Variants in FMN2 observed in about 807,000 individuals in gnomAD.
FMN2 encodes formin 2.
FMN2 carries 51 observed loss-of-function variants against 142.3 expected under a neutral mutation model. The ratio of observed to expected loss-of-function variants is 0.36; its 90% CI spans 0.29 to 0.45. The LOEUF (loss-of-function observed/expected upper bound fraction) is 0.45, where lower values mean the gene tolerates loss of function less well. Among genes scored for constraint, FMN2 ranks in the 20% least tolerant of loss-of-function variants. The pLI is 1.00. For synonymous variants in FMN2, 882 were observed against 869.8 expected (o/e 1.01, Z -0.25); for missense variants, 1,936 against 2,122.8 (o/e 0.91, Z 1.73).
intron 7 of FMN2, among the ~76,000 whole-genome samples, chr1:240,281,483 G>A (rs907404841): frequency 6.6e-6 from 1 of 151,980 alleles, no homozygotes; most frequent in Non-Finnish European, 1.5e-5. Flanking sequence ...GTATCCTCAG[G>A]GCGGACAAGA....
Position 240,303,034 on chromosome 1 carries a change from T to G in FMN2, c.4215+8151T>G, listed in dbSNP as rs550835490. ...AGATATTTGTTTTTGTTATTGTCTC[T>G]ATGACTAAAAAAAAAAAATCAGAAA... is the stretch of plus-strand genomic sequence containing the variant. On this transcript the variant is annotated intron_variant, in intron 8 of 17. Transcript: ENST00000319653. 2.3e-5 allele frequency among the ~76,000 whole-genome samples: 3 copies of G among 127,784 alleles called. No individual in the cohort carries two copies. In the South Asian group the frequency reaches 7.4e-4, roughly 32 times the overall value. The allele number at this position is 127,784 out of a possible 152,430, so 83.8% of individuals were successfully genotyped here.
intron 16 of FMN2, among the ~76,000 whole-genome samples, chr1:240,447,784 G>C (rs1221616934): frequency 1.3e-5 from 2 of 152,184 alleles, no homozygotes; most frequent in African/African-American, 2.4e-5. Context: ...CCTAAACTTA[G>C]ATGGTTTTAG....
At chr1:240,397,927 G>A (rs1261795422) in intron 15 of FMN2, among the ~76,000 whole-genome samples, 1 of 150,400 alleles carries the variant, frequency 6.6e-6, no homozygotes, top group Non-Finnish European at 1.5e-5. Context: ...AATTTCTAAA[G>A]AGAAACCTTA....
chr1:240,268,856 T>C (rs968893933), intron 7 of FMN2, among the ~76,000 whole-genome samples: 3 of 152,108 alleles, frequency 2.0e-5, no homozygotes, highest in African/African-American at 7.2e-5. Context: ...TTCTGAGAAA[T>C]GTCTGTTCAG....
chr1:240,221,363 A>G (rs1667104763), intron 6 of FMN2, among the ~76,000 whole-genome samples: 2 of 152,090 alleles, frequency 1.3e-5, no homozygotes, highest in Non-Finnish European at 2.9e-5. Flanking sequence ...ATTTCTCCAC[A>G]TCCTCTCCAG....
intron 14 of FMN2, among the ~76,000 whole-genome samples, chr1:240,375,739 G>A (rs542566027): frequency 3.0e-4 from 46 of 152,240 alleles, no homozygotes; most frequent in African/African-American, 9.9e-4. Context: ...ATTCCCTGCA[G>A]TTCATTCCCC....
intron 16 of FMN2, among the ~76,000 whole-genome samples, chr1:240,466,337 G>A (rs972204151): frequency 6.6e-6 from 1 of 152,066 alleles, no homozygotes; most frequent in Non-Finnish European, 1.5e-5. Flanking sequence ...ATGTTTGCTT[G>A]TAAGGAGTAA....
intron 3 of FMN2, among the ~76,000 whole-genome samples, chr1:240,185,536 G>T (rs1388168073): frequency 6.6e-6 from 1 of 152,214 alleles, no homozygotes; most frequent in Admixed American, 6.5e-5. Flanking sequence ...TTTGGGTGTA[G>T]GTGTGCAGAA....
chr1:240,412,808 G>C (rs1572281155), intron 15 of FMN2, among the ~76,000 whole-genome samples: 1 of 152,142 alleles, frequency 6.6e-6, no homozygotes, highest in South Asian at 2.1e-4. Context: ...GAGTGTGTCT[G>C]GTGAAAGCCA....
intron 8 of FMN2, among the ~76,000 whole-genome samples, chr1:240,319,642 A>G (rs1329284468): frequency 6.6e-6 from 1 of 152,128 alleles, no homozygotes; most frequent in Non-Finnish European, 1.5e-5. Context: ...CTTGGAAGGG[A>G]CTTTCCCTTA....
chr1:240,214,079 T>C (rs1280097851), intron 6 of FMN2, among the ~76,000 whole-genome samples: 2 of 152,254 alleles, frequency 1.3e-5, no homozygotes, highest in African/African-American at 4.8e-5. Context: ...CTATGATGAT[T>C]TCTTCATTTC....
In FMN2 at chr1:240,383,265, G is replaced by A. The variant is rs151176467; in HGVS notation, c.4859-9246G>A. ...AACAGAATAAAAAATAGATAAATGG[G>A]ACTTAGTTAAATGAAAACGCTTCTG... is the stretch of plus-strand genomic sequence containing the variant. On this transcript the variant is annotated intron_variant, in intron 14 of 17. Transcript: ENST00000319653. 9.1e-3 allele frequency among the ~76,000 whole-genome samples: 1,378 copies of A among 152,130 alleles called. 14 individuals carry two copies. Among genetic ancestry groups the A allele is most frequent in the Middle Eastern group, 0.02 (6 of 294 alleles).
intron 3 of FMN2, among the ~76,000 whole-genome samples, chr1:240,183,294 G>A (rs556426890): frequency 6.6e-6 from 1 of 151,566 alleles, no homozygotes; most frequent in Non-Finnish European, 1.5e-5. Flanking sequence ...GACCAGGGGA[G>A]ACTTGGTAGT....
chr1:240,393,857 T>C (rs924262655), intron 15 of FMN2, among the ~76,000 whole-genome samples: 1 of 152,232 alleles, frequency 6.6e-6, no homozygotes, highest in African/African-American at 2.4e-5. Flanking sequence ...CACAATAGTC[T>C]GTTGCCAGGG....
chr1:240,201,741 C>A (rs967523026), intron 4 of FMN2, among the ~76,000 whole-genome samples: 1 of 152,002 alleles, frequency 6.6e-6, no homozygotes, highest in African/African-American at 2.4e-5. Flanking sequence ...AAAAGTGAAT[C>A]TTTTTTTCAT....
chr1:240,119,126 G>A (rs778231921), intron 1 of FMN2, among the ~76,000 whole-genome samples: 6 of 151,992 alleles, frequency 3.9e-5, no homozygotes, highest in African/African-American at 7.2e-5. Flanking sequence ...TCAGGAGTTC[G>A]AGACCAGCCT....
At chr1:240,349,504 A>G (rs1672020944) in intron 13 of FMN2, among the ~76,000 whole-genome samples, 1 of 152,098 alleles carries the variant, frequency 6.6e-6, no homozygotes, top group Non-Finnish European at 1.5e-5. Flanking sequence ...CAAAAAAAAA[A>G]TAGCCAGACT....
intron 2 of FMN2, chr1:240,143,471 C>T (rs1194834806): frequency 1.3e-6 from 2 of 1,532,742 alleles, no homozygotes; most frequent in Non-Finnish European, 1.8e-6. Context: ...TCCTTTTTGT[C>T]CTTGTCCTTC....
intron 7 of FMN2, among the ~76,000 whole-genome samples, chr1:240,267,480 T>C (rs1277747203): frequency 6.6e-6 from 1 of 151,786 alleles, no homozygotes; most frequent in East Asian, 1.9e-4. Flanking sequence ...ACTGGGGTCT[T>C]TCAGAGAGTG....
Sources: allele counts gnomAD v4.1 joint callset (sites outside exome capture counted in the v4.1 genomes callset), GRCh38; gene constraint gnomAD v4.1.1; transcripts MANE v1.5; gene names NCBI Gene and HGNC (gene_info 2026-07-23, HGNC 2026-07-21).